The following UTP20 variants were observed in gnomAD, a reference collection of about 807,000 sequenced individuals.
UTP20 encodes the protein UTP20 small subunit processome component.
In UTP20, 164 loss-of-function variants were observed where a neutral mutation model predicts 329.5. The ratio of observed to expected loss-of-function variants is 0.50; its 90% confidence interval spans 0.44 to 0.57. The LOEUF (loss-of-function observed/expected upper bound fraction) is 0.57, where lower values mean the gene tolerates loss of function less well. Ranked by LOEUF, UTP20 falls within the 20% of genes least tolerant of loss-of-function variation. UTP20 has a pLI of 0.00. For missense variants in UTP20, 3,055 were observed against 3,284.2 expected (o/e 0.93, Z 1.71); for synonymous variants, 1,151 against 1,159.3 (o/e 0.99, Z 0.14).
chr12:101,321,384 AACCATAAT>A, intron 24 of UTP20, 112 bp from the exon 25 acceptor site: 1 of 1,384,906 alleles, frequency 7.2e-7, no homozygotes, highest in Non-Finnish European at 9.6e-7. Context: ...TATGGATATC[AACCATAAT>A]ATGTACTATA....
chr12:101,294,801 C>T (rs1473253286), intron 11 of UTP20, among the ~76,000 whole-genome samples: 1 of 152,176 alleles, frequency 6.6e-6, no homozygotes. Context: ...GCCTCGGCCT[C>T]CCAAAGTGTT....
intron 29 of UTP20, among the ~76,000 whole-genome samples, chr12:101,336,130 C>A (rs1182733024): frequency 6.6e-6 from 1 of 152,136 alleles, no homozygotes; most frequent in Admixed American, 6.5e-5. Flanking sequence ...AGTTAGGCAG[C>A]AGAACCTTTT....
At position 101,383,227 on chromosome 12, in the gene UTP20, A is replaced by T; in HGVS notation, c.7843A>T (p.Arg2615Trp). The change falls in exon 59 of 62, where the codon AGG becomes TGG. Residue 2615 changes from arginine (R) to tryptophan (W), a missense_variant. Arg to Trp is a moderately radical substitution (Grantham distance 101, BLOSUM62 -3). Coordinates refer to ENST00000261637, the MANE Select transcript of UTP20 (RefSeq NM_014503.3). ...GGAAGAGGTGAAGGAAGAGCTCGGCAGGCCGGCCACGCTGCTGTGGTTGAT... is the reference window on the plus strand; with the variant it reads ...GGAAGAGGTGAAGGAAGAGCTCGGCTGGCCGGCCACGCTGCTGTGGTTGAT... Reference protein sequence around the residue: ...EKEEVKEELGRPATLLWLIQK... With the variant: ...EKEEVKEELGWPATLLWLIQK... The T allele has an allele frequency of 6.2e-7, 1 of 1,614,212 alleles. No individual in the cohort carries two copies. The highest frequency in any genetic ancestry group is 8.5e-7 in the Non-Finnish European group (1 of 1,180,044).
intron 54 of UTP20, among the ~76,000 whole-genome samples, chr12:101,374,567 T>G (rs958103509): frequency 1.3e-5 from 2 of 152,054 alleles, no homozygotes; most frequent in African/African-American, 2.4e-5. Flanking sequence ...GAAAAAAAAA[T>G]TAAAGTATTC....
chr12:101,382,870 G>A (rs1192724836), intron 58 of UTP20, among the ~76,000 whole-genome samples, 171 bp from the exon 59 acceptor site: 1 of 150,162 alleles, frequency 6.7e-6, no homozygotes, highest in Non-Finnish European at 1.5e-5. Flanking sequence ...AAAAAAAAAG[G>A]AATATCTAAA....
At chr12:101,310,031 G>A (rs1448432777) in intron 19 of UTP20, among the ~76,000 whole-genome samples, 192 bp downstream of exon 19, 3 of 152,180 alleles carry the variant, frequency 2.0e-5, no homozygotes, top group East Asian at 3.8e-4. Flanking sequence ...CACATCTTCA[G>A]TAGTTCCAAT....
In UTP20 at chr12:101,327,186, A is replaced by T; in HGVS notation, c.3147A>T (p.Gln1049His). ...AIVLRFLAGT[Q>H]PEEIQIFLDL... ...TCCTGCGGTTCCTGGCCGGGACCCA[A>T]CCTGAGGAGATCCAGATATTCTTAG... The change falls in exon 26 of 62, where the codon CAA (glutamine) becomes CAT (histidine). Residue 1049 changes from glutamine to histidine, a missense_variant. Gln to His is a conservative substitution (Grantham distance 24, BLOSUM62 0). This residue lies in a region of UTP20 where 2,445 missense variants were observed against 2,575.5 expected (regional missense o/e 0.95). Transcript: ENST00000261637. 2 of 1,612,608 alleles carry T rather than the reference A, an allele frequency of 1.2e-6. No homozygotes were observed. Among genetic ancestry groups the T allele is most frequent in the Non-Finnish European group, 1.7e-6 (2 of 1,178,752 alleles).
At chr12:101,367,837 A>G in intron 47 of UTP20, 23 bp from the exon 48 acceptor site, 1 of 1,530,936 alleles carries the variant, frequency 6.5e-7, no homozygotes, top group Non-Finnish European at 9.0e-7. Context: ...ACTAATGTGA[A>G]ATACCTGTTT....
Position 101,327,197 on chromosome 12 carries a change from T to G in UTP20, c.3158T>G (p.Ile1053Ser). ...RFLAGTQPEEIQIFLDLLFEP... is the reference protein window; with the variant it reads ...RFLAGTQPEESQIFLDLLFEP... The stretch of plus-strand genomic sequence containing the variant: ...CTGGCCGGGACCCAACCTGAGGAGA[T>G]CCAGATATTCTTAGACCTGCTGTTT... Residue 1053 changes from isoleucine to serine, a missense_variant, in exon 26 of 62, where the codon ATC becomes AGC. Ile to Ser is a moderately radical substitution (Grantham distance 142, BLOSUM62 -2). Around this residue, in one of 3 missense-constraint regions of UTP20, gnomAD observed 2,445 missense variants for 2,575.5 expected, o/e 0.95. Coordinates refer to ENST00000261637, the MANE Select transcript of UTP20 (RefSeq NM_014503.3). The G allele has an allele frequency of 6.2e-7, 1 of 1,611,706 alleles. No individual in the cohort carries two copies. The highest frequency in any genetic ancestry group is 2.2e-5 in the East Asian group (1 of 44,796).
intron 29 of UTP20, among the ~76,000 whole-genome samples, chr12:101,335,256 A>G (rs1868897876): frequency 6.7e-6 from 1 of 148,682 alleles, no homozygotes; most frequent in African/African-American, 2.6e-5. Flanking sequence ...ATTTTAGAGT[A>G]TGTATTACAG....
chr12:101,295,636 G>T lies in UTP20; in HGVS notation c.1408G>T (p.Val470Phe). The change falls in exon 12 of 62, where the codon GTT becomes TTT. Residue 470 changes from valine (V) to phenylalanine (F), a missense_variant. By Grantham distance (50) the Val-to-Phe change is conservative. This residue lies in a region of UTP20 where 2,445 missense variants were observed against 2,575.5 expected (regional missense o/e 0.95). Transcript: ENST00000261637. ...GATGGCAATTGAAAAGTACCCTCTG[G>T]TTTTCTCACCGCAGATGGTGGGGTG... is the stretch of plus-strand genomic sequence containing the variant. ...GSMAIEKYPL[V>F]FSPQMVGFYI... The T allele has an allele frequency of 6.2e-7, 1 of 1,607,884 alleles. No homozygotes were observed. Among genetic ancestry groups the T allele is most frequent in the African/African-American group, 1.3e-5 (1 of 74,928 alleles).
chr12:101,375,732 G>T lies in UTP20; in HGVS notation c.7372G>T (p.Ala2458Ser). The T allele has an allele frequency of 6.3e-7, 1 of 1,584,448 alleles. No individual in the cohort carries two copies. The highest frequency in any genetic ancestry group is 8.6e-7 in the Non-Finnish European group (1 of 1,158,606). ...TAATATTATTCAGTTTACCAAACCC[G>T]CTGAGACTTTGAGTAAAATCTGGAG... The part of the protein sequence containing the change: ...ECNIIQFTKP[A>S]ETLSKIWSHV... The change falls in exon 56 of 62, where the codon GCT becomes TCT. Residue 2458 changes from alanine to serine, a missense_variant. Coordinates refer to ENST00000261637, the MANE Select transcript of UTP20 (RefSeq NM_014503.3).
At chr12:101,291,496 C>T (rs546506428) in intron 8 of UTP20, 42 of 230,614 alleles carry the variant, frequency 1.8e-4, no homozygotes, top group African/African-American at 9.2e-4. Context: ...GCAAAGATTG[C>T]GCCATTGCAC....
chr12:101,336,247 C>T (rs188241410), intron 29 of UTP20, among the ~76,000 whole-genome samples: 2 of 152,136 alleles, frequency 1.3e-5, no homozygotes, highest in East Asian at 3.9e-4. Flanking sequence ...TGTGGAAGAA[C>T]GAATGAATAT....
At chr12:101,385,929 A>G (rs1412512659) in intron 61 of UTP20, 39 bp from the exon 62 acceptor site, 1 of 1,493,448 alleles carries the variant, frequency 6.7e-7, no homozygotes, top group Non-Finnish European at 9.0e-7. Context: ...TTTAACATTT[A>G]CTTTAAAAGT....
chr12:101,338,033 C>A lies in UTP20; in HGVS notation c.3642-18C>A. 1.2e-6 allele frequency: 2 copies of A among 1,609,312 alleles called. No individual in the cohort carries two copies. Among genetic ancestry groups the A allele is most frequent in the Non-Finnish European group, 1.7e-6 (2 of 1,175,894 alleles). Reference sequence around the variant, plus strand: ...CATATTGAGAATAAGATGATTACTACAATGTTTTTTCTTCCAGATATTTCC... The same window carrying A: ...CATATTGAGAATAAGATGATTACTAAAATGTTTTTTCTTCCAGATATTTCC... On this transcript the variant is annotated intron_variant, in intron 29 of 61. Coordinates refer to ENST00000261637, the MANE Select transcript of UTP20 (RefSeq NM_014503.3).
Position 101,290,137 on chromosome 12 carries a change from G to T in UTP20, c.598G>T (p.Val200Phe). The change falls in exon 7 of 62, where the codon GTC becomes TTC. Residue 200 changes from valine (V) to phenylalanine (F), a missense_variant and splice_region_variant. This residue lies in a region of UTP20 where 2,445 missense variants were observed against 2,575.5 expected (regional missense o/e 0.95). Coordinates refer to ENST00000261637, the MANE Select transcript of UTP20 (RefSeq NM_014503.3). ...TTTCCATTTCTACTTTATATTTTAG[G>T]TCTCTGATAAAAACGCACTTTTCAA... Reference protein sequence around the residue: ...AESFTFLMRKVSDKNALFNLM... With the variant: ...AESFTFLMRKFSDKNALFNLM... 4 of 1,557,848 alleles carry T rather than the reference G, an allele frequency of 2.6e-6. No individual in the cohort carries two copies. The highest frequency in any genetic ancestry group is 3.5e-6 in the Non-Finnish European group (4 of 1,140,086).
rs531029999 is a variant in UTP20, at chr12:101,373,369, A to G, written c.6879-32A>G. ...ATAATTATTTGTAAATTTAGAAGAT[A>G]CTAACAAATCCACCTAATGTCCTTC... On this transcript the variant is annotated intron_variant, in intron 52 of 61. Transcript: ENST00000261637. 6 of 1,575,662 alleles carry G rather than the reference A, an allele frequency of 3.8e-6. No homozygotes were observed. In the South Asian group the frequency reaches 6.7e-5, roughly 18 times the overall value.
intron 30 of UTP20, among the ~76,000 whole-genome samples, chr12:101,338,513 C>A (rs1869011579): frequency 6.6e-6 from 1 of 152,152 alleles, no homozygotes; most frequent in South Asian, 2.1e-4. Context: ...AAAATGATTT[C>A]TACTGTCATG....
Sources: allele counts gnomAD v4.1 joint callset (sites outside exome capture counted in the v4.1 genomes callset), GRCh38; gene constraint gnomAD v4.1.1; regional missense constraint gnomAD v4.1.1; transcripts MANE v1.5; gene names NCBI Gene and HGNC (gene_info 2026-07-23, HGNC 2026-07-21).